Variants in MSRA observed in about 807,000 individuals in gnomAD.
MSRA encodes methionine sulfoxide reductase A, also known as mitochondrial peptide methionine sulfoxide reductase.
In MSRA, 54 loss-of-function variants were observed where a neutral mutation model predicts 31.3. That is an observed-to-expected ratio of 1.73 (90% CI 1.39 to 2.17). The LOEUF is 2.17. Among genes scored for constraint, MSRA ranks in the 30% most tolerant of loss-of-function variants. The pLI, the probability that MSRA is intolerant of heterozygous loss-of-function variation, is 0.00. For missense variants in MSRA, 507 were observed against 300.9 expected, an observed-to-expected ratio of 1.69 and a Z score of -5.07; for synonymous variants, 169 against 116.5, an observed-to-expected ratio of 1.45 and a Z score of -2.90.
At chr8:10,364,569 T>C (rs1805047767) in intron 5 of MSRA, among the ~76,000 whole-genome samples, 1 of 152,240 alleles carries the variant, frequency 6.6e-6, no homozygotes, top group South Asian at 2.1e-4. Flanking sequence ...CCAAAAAATA[T>C]CAAGAGTTCC....
At chr8:10,286,300 G>C (rs1799934272) in intron 3 of MSRA, among the ~76,000 whole-genome samples, 1 of 152,140 alleles carries the variant, frequency 6.6e-6, no homozygotes, top group South Asian at 2.1e-4. Context: ...GGACCTGGTG[G>C]GAGGTAATTG....
At chr8:10,337,621 G>C (rs904459082) in intron 5 of MSRA, 1 of 675,596 alleles carries the variant, frequency 1.5e-6, no homozygotes, top group Non-Finnish European at 2.7e-6. Flanking sequence ...TTCTGGTCCT[G>C]ATATTGGATA....
intron 5 of MSRA, among the ~76,000 whole-genome samples, chr8:10,331,065 T>A (rs1802667322): frequency 6.6e-6 from 1 of 152,114 alleles, no homozygotes; most frequent in African/African-American, 2.4e-5. Flanking sequence ...CACACAGAAG[T>A]CATGTGAACA....
intron 5 of MSRA, among the ~76,000 whole-genome samples, chr8:10,349,721 G>C (rs927322858): frequency 2.6e-5 from 4 of 152,228 alleles, no homozygotes; most frequent in African/African-American, 9.6e-5. Context: ...TTTATTTAAT[G>C]AAATGTCACT....
rs865817771 is a variant in MSRA, at chr8:10,398,901, G to A, written c.544-29247G>A. On this transcript the variant is annotated intron_variant, in intron 5 of 5. Coordinates refer to ENST00000317173, the MANE Select transcript of MSRA (RefSeq NM_012331.5). ...GCATTAGGAGTGGTGGGGCTGCATT[G>A]AGCCTCTCCCAGCTTCCTGGCAGAA... Among the ~76,000 whole-genome samples the A allele has an allele frequency of 3.3e-5, 5 of 152,250 alleles. 1 individual carries two copies. Among genetic ancestry groups the A allele is most frequent in the African/African-American group, 1.2e-4 (5 of 41,552 alleles).
chr8:10,323,015 A>G (rs776990941), intron 5 of MSRA, among the ~76,000 whole-genome samples: 1 of 150,030 alleles, frequency 6.7e-6, no homozygotes, highest in East Asian at 2.0e-4. Flanking sequence ...GCTTGAACCC[A>G]GGAAGCAAAG....
At chr8:10,141,365 G>A (rs1269677523) in intron 1 of MSRA, among the ~76,000 whole-genome samples, 1 of 152,186 alleles carries the variant, frequency 6.6e-6, no homozygotes, top group African/African-American at 2.4e-5. Context: ...GCACACAACT[G>A]ATCAAGGATG....
At chr8:10,394,794 T>A (rs1022796864) in intron 5 of MSRA, among the ~76,000 whole-genome samples, 1 of 152,046 alleles carries the variant, frequency 6.6e-6, no homozygotes, top group Non-Finnish European at 1.5e-5. Flanking sequence ...TGGGAAGGAG[T>A]TGGCTTGTCC....
chr8:10,147,136 T>G (rs1302065201), intron 1 of MSRA, among the ~76,000 whole-genome samples: 1 of 152,160 alleles, frequency 6.6e-6, no homozygotes, highest in African/African-American at 2.4e-5. Context: ...GGCCCGGTGC[T>G]GTCTGGATGT....
chr8:10,099,859 C>G (rs1306015401), intron 1 of MSRA, among the ~76,000 whole-genome samples: 9 of 152,200 alleles, frequency 5.9e-5, no homozygotes, highest in Admixed American at 2.0e-4. Flanking sequence ...CTTGCATTCC[C>G]TCTGTCCTCA....
At chr8:10,335,203 G>A (rs1276579852) in intron 5 of MSRA, among the ~76,000 whole-genome samples, 4 of 150,934 alleles carry the variant, frequency 2.7e-5, no homozygotes, top group African/African-American at 9.7e-5. Flanking sequence ...AGGCTCATAA[G>A]GGAAAGTGAG....
intron 1 of MSRA, among the ~76,000 whole-genome samples, chr8:10,124,579 A>C (rs1801364923): frequency 6.6e-6 from 1 of 152,230 alleles, no homozygotes; most frequent in Non-Finnish European, 1.5e-5. Flanking sequence ...ATATTAAATA[A>C]GTTTCCTTTA....
chr8:10,237,438 C>A (rs1425523847), intron 2 of MSRA, among the ~76,000 whole-genome samples: 3 of 152,146 alleles, frequency 2.0e-5, no homozygotes, highest in Non-Finnish European at 2.9e-5. Context: ...GTGTCCAAAC[C>A]AAATTACTAA....
intron 1 of MSRA, among the ~76,000 whole-genome samples, chr8:10,145,514 C>T (rs1275186687): frequency 6.6e-6 from 1 of 152,144 alleles, no homozygotes; most frequent in Non-Finnish European, 1.5e-5. Flanking sequence ...TACTGCCCGG[C>T]CCTGCAAGCA....
At chr8:10,149,332 A>G (rs1056208451) in intron 1 of MSRA, among the ~76,000 whole-genome samples, 1 of 152,094 alleles carries the variant, frequency 6.6e-6, no homozygotes, top group Non-Finnish European at 1.5e-5. Context: ...TGTGTTGACC[A>G]GGCTGGTCTC....
At chr8:10,325,022 AT>A (rs1489584858) in intron 5 of MSRA, among the ~76,000 whole-genome samples, 1 of 152,170 alleles carries the variant, frequency 6.6e-6, no homozygotes, top group Non-Finnish European at 1.5e-5. Context: ...CACAAAGTGA[AT>A]GGGGGCCCTT....
intron 1 of MSRA, among the ~76,000 whole-genome samples, chr8:10,076,939 G>C (rs966548957): frequency 5.3e-5 from 8 of 151,858 alleles, no homozygotes; most frequent in African/African-American, 1.9e-4. Context: ...GCTAATGCCT[G>C]CTGGGCTTAA....
intron 2 of MSRA, among the ~76,000 whole-genome samples, chr8:10,211,797 C>T (rs1410522101): frequency 1.3e-5 from 2 of 152,056 alleles, no homozygotes; most frequent in Admixed American, 6.6e-5. Flanking sequence ...AGTGACATTC[C>T]GTTGGCCACG....
chr8:10,101,812 A>G (rs1184328364), intron 1 of MSRA, among the ~76,000 whole-genome samples: 1 of 152,152 alleles, frequency 6.6e-6, no homozygotes, highest in African/African-American at 2.4e-5. Flanking sequence ...GGTTGCTTCT[A>G]CCTTTTGGCT....
Sources: gnomAD v4.1 joint callset for allele counts (sites outside exome capture counted in the v4.1 genomes callset) on GRCh38, gnomAD v4.1.1 for gene constraint, MANE v1.5 for transcripts, NCBI Gene and HGNC (gene_info 2026-07-23, HGNC 2026-07-21) for gene names.